Variants in TBC1D15 observed in about 807,000 individuals in gnomAD.
The protein encoded by TBC1D15 is TBC1 domain family member 15, also known as GAP for RAB7.
Under a neutral mutation model 95.4 loss-of-function variants are expected in TBC1D15, and 39 were observed. The observed-to-expected ratio is 0.41, with a 90% CI of 0.32 to 0.53. The LOEUF (loss-of-function observed/expected upper bound fraction) is 0.53, where lower values mean the gene tolerates loss of function less well. Among genes scored for constraint, TBC1D15 ranks in the 20% least tolerant of loss-of-function variants. The pLI, the probability that TBC1D15 is intolerant of heterozygous loss-of-function variation, is 0.29. For missense variants in TBC1D15, 733 were observed against 794.3 expected, an observed-to-expected ratio of 0.92 and a Z score of 0.93; for synonymous variants, 258 against 261.3, an observed-to-expected ratio of 0.99 and a Z score of 0.12.
At chr12:71,858,407 C>T (rs1237275866) in intron 1 of TBC1D15, among the ~76,000 whole-genome samples, 9 of 151,762 alleles carry the variant, frequency 5.9e-5, no homozygotes, top group African/African-American at 2.2e-4. Flanking sequence ...TGTTGATGGA[C>T]TCTTAGATTG....
At chr12:71,866,864 A>T (rs541399779) in intron 1 of TBC1D15, among the ~76,000 whole-genome samples, 3 of 152,184 alleles carry the variant, frequency 2.0e-5, no homozygotes, top group Non-Finnish European at 4.4e-5. Context: ...TCTTGCTGAC[A>T]CCAGTCTCTG....
At chr12:71,910,182 C>T (rs1480791056) in intron 11 of TBC1D15, among the ~76,000 whole-genome samples, 1 of 151,820 alleles carries the variant, frequency 6.6e-6, no homozygotes, top group African/African-American at 2.4e-5. Context: ...AGATATGCGA[C>T]GTTATTTCTG....
At chr12:71,873,539 G>A (rs1442972884) in intron 3 of TBC1D15, among the ~76,000 whole-genome samples, 1 of 152,190 alleles carries the variant, frequency 6.6e-6, no homozygotes, top group African/African-American at 2.4e-5. Flanking sequence ...GAGCATTCAT[G>A]TGCAGGTTTT....
At chr12:71,901,948 G>A (rs946060671) in intron 10 of TBC1D15, among the ~76,000 whole-genome samples, 28 of 151,994 alleles carry the variant, frequency 1.8e-4, no homozygotes, top group Non-Finnish European at 7.4e-5. Flanking sequence ...CACCAACAAC[G>A]TCCAAGCCGA....
chr12:71,855,155 C>T (rs1256006521), intron 1 of TBC1D15, among the ~76,000 whole-genome samples: 1 of 152,034 alleles, frequency 6.6e-6, no homozygotes, highest in African/African-American at 2.4e-5. Context: ...GGGGAAACTG[C>T]CACTTTTAAA....
chr12:71,876,283 A>T (rs983622533), intron 3 of TBC1D15, among the ~76,000 whole-genome samples: 1 of 152,072 alleles, frequency 6.6e-6, no homozygotes, highest in African/African-American at 2.4e-5. Context: ...TGTCTAAATA[A>T]CATTCTTCTA....
chr12:71,872,925 C>G lies in TBC1D15; in HGVS notation c.130-4C>G. The stretch of plus-strand genomic sequence containing the variant: ...TAAATATAGTTCATAATTTCTTTCT[C>G]TAGGATGCCGAAGTAATAGTGGACT... On this transcript the variant is annotated splice_region_variant and splice_polypyrimidine_tract_variant and intron_variant, in intron 2 of 16. Transcript: ENST00000485960. The G allele has an allele frequency of 1.3e-6, 2 of 1,595,158 alleles. No individual in the cohort carries two copies. Among genetic ancestry groups the G allele is most frequent in the South Asian group, 1.1e-5 (1 of 88,236 alleles).
At chr12:71,889,591 A>G (rs1001478049) in intron 5 of TBC1D15, among the ~76,000 whole-genome samples, 8 of 152,224 alleles carry the variant, frequency 5.3e-5, no homozygotes, top group African/African-American at 1.7e-4. Context: ...AGTATTTAAA[A>G]AGTCCCAAAT....
At chr12:71,855,067 G>A (rs758699294) in intron 1 of TBC1D15, among the ~76,000 whole-genome samples, 9 of 152,196 alleles carry the variant, frequency 5.9e-5, no homozygotes, top group Non-Finnish European at 1.3e-4. Flanking sequence ...GAGGCCTCAG[G>A]AAACTTCATG....
intron 5 of TBC1D15, among the ~76,000 whole-genome samples, chr12:71,888,439 C>T (rs1896647377): frequency 6.6e-6 from 1 of 150,736 alleles, no homozygotes; most frequent in Non-Finnish European, 1.5e-5. Flanking sequence ...GCACTCCATC[C>T]AGCCTAGGCG....
chr12:71,915,701 C>T (rs534396323), intron 12 of TBC1D15, among the ~76,000 whole-genome samples: 2 of 152,156 alleles, frequency 1.3e-5, no homozygotes, highest in East Asian at 3.9e-4. Context: ...GTCATTTTCA[C>T]AGTAAATGCT....
intron 1 of TBC1D15, among the ~76,000 whole-genome samples, chr12:71,842,338 C>T (rs1046923317): frequency 1.3e-5 from 2 of 152,178 alleles, no homozygotes; most frequent in African/African-American, 4.8e-5. Context: ...CTTAACCTCT[C>T]TGTGCTTCAG....
intron 10 of TBC1D15, among the ~76,000 whole-genome samples, chr12:71,904,483 G>A (rs1900194457): frequency 6.6e-6 from 1 of 152,168 alleles, no homozygotes; most frequent in Admixed American, 6.5e-5. Flanking sequence ...AAGAAATAAT[G>A]TAAGGTTGAA....
chr12:71,918,521 T>C lies in TBC1D15; in HGVS notation c.1572T>C (p.Ser524=), dbSNP rs770742885. 62 of 1,605,478 alleles carry C rather than the reference T, an allele frequency of 3.9e-5. No individual in the cohort carries two copies. The South Asian group carries it at 6.7e-4, about 17-fold the overall frequency. Residue 524 remains serine (S), a synonymous_variant, in exon 14 of 17, where the codon AGT becomes AGC. Coordinates refer to ENST00000485960, the MANE Select transcript of TBC1D15 (RefSeq NM_001146213.3). ...TAATCAGATTCAAAAGGGAATTTAG[T>C]TTTCTAGATATTCTTCGATTATGGG... is the stretch of plus-strand genomic sequence containing the variant. The part of the protein sequence containing the change: ...WLLIRFKREF[S]FLDILRLWEV...
Position 71,923,386 on chromosome 12 carries a change from T to A in TBC1D15, c.*182T>A. 1.8e-6 allele frequency: 1 copy of A among 546,368 alleles called. No individual in the cohort carries two copies. Among genetic ancestry groups the A allele is most frequent in the Non-Finnish European group, 3.2e-6 (1 of 315,994 alleles). 33.8% of individuals were successfully genotyped at this position (546,368 alleles called of 1,614,324 possible). ...AACTAATTATTTTTGTAGTTACTTC[T>A]ACCAAATAGCCTTTCCTTTTCGATA... On this transcript the variant is annotated 3_prime_UTR_variant, in exon 17 of 17. Coordinates refer to ENST00000485960, the MANE Select transcript of TBC1D15 (RefSeq NM_001146213.3).
chr12:71,880,291 CTTTT>C (rs534954705), intron 3 of TBC1D15, among the ~76,000 whole-genome samples, 174 bp from the exon 4 acceptor site: 1 of 136,584 alleles, frequency 7.3e-6, no homozygotes, highest in Admixed American at 7.4e-5. Context: ...GCTTCTCTTC[CTTTT>C]TTTTTTTTTT....
At chr12:71,849,902 C>T (rs1887335288) in intron 1 of TBC1D15, 2 of 566,504 alleles carry the variant, frequency 3.5e-6, no homozygotes, top group African/African-American at 1.9e-5. Context: ...AAGCTTCCAG[C>T]GTCTTGAGGA....
At chr12:71,908,831 A>C (rs374802733) in intron 11 of TBC1D15, among the ~76,000 whole-genome samples, 2 of 152,288 alleles carry the variant, frequency 1.3e-5, no homozygotes, top group East Asian at 3.9e-4. Flanking sequence ...TTTGATTCAG[A>C]GTGTGACTTA....
chr12:71,862,445 T>C (rs1372436855), intron 1 of TBC1D15, among the ~76,000 whole-genome samples: 1 of 152,202 alleles, frequency 6.6e-6, no homozygotes, highest in Non-Finnish European at 1.5e-5. Context: ...TCTTTGTCTC[T>C]TTCTACAGTT....
Sources: gnomAD v4.1 joint callset for allele counts (sites outside exome capture counted in the v4.1 genomes callset) on GRCh38, gnomAD v4.1.1 for gene constraint, MANE v1.5 for transcripts, NCBI Gene and HGNC (gene_info 2026-07-23, HGNC 2026-07-21) for gene names.